LMCD1: variants seen among roughly 807,000 people sequenced by gnomAD.
LMCD1 encodes LIM and cysteine-rich domains protein 1.
Under a neutral mutation model 42.7 loss-of-function variants are expected in LMCD1, and 32 were observed. The ratio of observed to expected loss-of-function variants is 0.75; its 90% CI spans 0.57 to 1.01. LMCD1 has a LOEUF of 1.01. Among genes scored for constraint, LMCD1 ranks in the 50% least tolerant of loss-of-function variants. The pLI is 0.00. For synonymous variants in LMCD1, 178 were observed against 184.9 expected (o/e 0.96, Z 0.30); for missense variants, 458 against 483.1 (o/e 0.95, Z 0.49).
chr3:8,541,853 G>C (rs1051170398), intron 3 of LMCD1, among the ~76,000 whole-genome samples: 2 of 152,134 alleles, frequency 1.3e-5, no homozygotes. Context: ...TGTGTTAAGA[G>C]GGATTCTGAG....
At chr3:8,526,937 T>C (rs184596561) in intron 1 of LMCD1, among the ~76,000 whole-genome samples, 1 of 152,304 alleles carries the variant, frequency 6.6e-6, no homozygotes, top group East Asian at 1.9e-4. Context: ...TCCCAGAGTT[T>C]GCGTGGATTT....
intron 1 of LMCD1, among the ~76,000 whole-genome samples, chr3:8,522,852 G>C (rs982785564): frequency 1.8e-4 from 28 of 152,124 alleles, no homozygotes; most frequent in African/African-American, 6.5e-4. Flanking sequence ...TTGTCATAGA[G>C]AGTAAAAACT....
intron 1 of LMCD1, among the ~76,000 whole-genome samples, chr3:8,505,152 G>A (rs978819944): frequency 6.6e-5 from 10 of 152,178 alleles, no homozygotes; most frequent in African/African-American, 1.2e-4. Context: ...GCATGGATGC[G>A]GAAAGGAATT....
chr3:8,536,578 T>C (rs1047429835), intron 2 of LMCD1, among the ~76,000 whole-genome samples: 1 of 152,262 alleles, frequency 6.6e-6, no homozygotes, highest in African/African-American at 2.4e-5. Context: ...GCAGTATTTA[T>C]GCTAAAGAGT....
chr3:8,532,680 C>A, intron 1 of LMCD1, 57 bp from the exon 2 acceptor site: 2 of 1,481,648 alleles, frequency 1.3e-6, no homozygotes, highest in Non-Finnish European at 1.9e-6. Context: ...AGAGGTCAAG[C>A]ATCTCCGGTC....
intron 1 of LMCD1, among the ~76,000 whole-genome samples, chr3:8,526,081 G>A (rs1694294428): frequency 6.6e-6 from 1 of 152,194 alleles, no homozygotes; most frequent in African/African-American, 2.4e-5. Context: ...ATTTGAGCTA[G>A]ATCCCAGGTG....
chr3:8,567,309 C>A, intron 5 of LMCD1, 131 bp from the exon 6 acceptor site: 1 of 892,790 alleles, frequency 1.1e-6, no homozygotes, highest in Non-Finnish European at 1.7e-6. Context: ...CCAGATTTTT[C>A]CACTAAGGCT....
intron 4 of LMCD1, chr3:8,550,952 A>C (rs1481479115): frequency 1.0e-6 from 1 of 985,220 alleles, no homozygotes; most frequent in Non-Finnish European, 1.2e-6. Context: ...CAGCCCAAGA[A>C]CCCGGGTCCT....
intron 5 of LMCD1, 112 bp from the exon 6 acceptor site, chr3:8,567,328 T>C: frequency 8.9e-7 from 1 of 1,122,492 alleles, no homozygotes. Context: ...CTTTAAAAGG[T>C]CAAAACAAGA....
intron 3 of LMCD1, among the ~76,000 whole-genome samples, chr3:8,540,234 G>A (rs910967913): frequency 6.6e-5 from 10 of 152,050 alleles, no homozygotes; most frequent in African/African-American, 1.9e-4. Context: ...GAATGGGACC[G>A]AATTTTGCTA....
intron 4 of LMCD1, chr3:8,551,055 A>AG (rs1694830637): frequency 2.0e-6 from 2 of 985,346 alleles, no homozygotes; most frequent in Admixed American, 1.2e-4. Flanking sequence ...AAGTCAGAAA[A>AG]TAAGTAGGGA....
intron 3 of LMCD1, 68 bp downstream of exon 3, chr3:8,537,508 T>C (rs1385415801): frequency 2.8e-5 from 42 of 1,478,384 alleles, no homozygotes; most frequent in Non-Finnish European, 3.8e-5. Context: ...GTCAAGTGTT[T>C]CTGAATTTCA....
intron 1 of LMCD1, among the ~76,000 whole-genome samples, chr3:8,517,377 A>G (rs1694119869): frequency 6.6e-6 from 1 of 152,242 alleles, no homozygotes; most frequent in African/African-American, 2.4e-5. Flanking sequence ...ATCGTATTAC[A>G]TATATGCAAA....
At chr3:8,517,665 C>T (rs144677325) in intron 1 of LMCD1, among the ~76,000 whole-genome samples, 7 of 152,184 alleles carry the variant, frequency 4.6e-5, no homozygotes, top group African/African-American at 7.2e-5. Flanking sequence ...GATGCTAAAA[C>T]GCCTTTATCA....
chr3:8,537,155 T>C (rs1694523244), intron 2 of LMCD1, 30 bp from the exon 3 acceptor site: 1 of 1,602,580 alleles, frequency 6.2e-7, no homozygotes, highest in African/African-American at 1.3e-5. Flanking sequence ...TGGAGGTTAA[T>C]CTCACTGGTC....
chr3:8,548,495 A>T (rs1694778027), intron 3 of LMCD1, 73 bp from the exon 4 acceptor site: 2 of 1,068,192 alleles, frequency 1.9e-6, no homozygotes, highest in Non-Finnish European at 2.7e-6. Flanking sequence ...TTTTAGGTAG[A>T]TTCTGTCATA....
At chr3:8,525,561 C>G (rs1178552693) in intron 1 of LMCD1, among the ~76,000 whole-genome samples, 1 of 152,158 alleles carries the variant, frequency 6.6e-6, no homozygotes, top group Non-Finnish European at 1.5e-5. Flanking sequence ...ATACTGATTT[C>G]ATTTCCTTTG....
chr3:8,545,411 C>T (rs992127660), intron 3 of LMCD1, among the ~76,000 whole-genome samples: 5 of 152,214 alleles, frequency 3.3e-5, no homozygotes, highest in African/African-American at 9.6e-5. Flanking sequence ...ATTTAGGCAT[C>T]TCTCAGGTAT....
intron 1 of LMCD1, among the ~76,000 whole-genome samples, chr3:8,517,048 A>G (rs1003876054): frequency 6.6e-6 from 1 of 152,352 alleles, no homozygotes; most frequent in Admixed American, 6.5e-5. Flanking sequence ...CAGAGGGATT[A>G]AGTCCCATGG....
Sources: allele counts gnomAD v4.1 joint callset (sites outside exome capture counted in the v4.1 genomes callset), GRCh38; gene constraint gnomAD v4.1.1; transcripts MANE v1.5; gene names NCBI Gene and HGNC (gene_info 2026-07-23, HGNC 2026-07-21).